Variants in PIK3C2G observed in about 807,000 individuals in gnomAD.
PIK3C2G encodes phosphatidylinositol-4-phosphate 3-kinase catalytic subunit type 2 gamma.
PIK3C2G carries 168 observed loss-of-function variants against 181.1 expected under a neutral mutation model. The ratio of observed to expected loss-of-function variants is 0.93; its 90% CI spans 0.82 to 1.05. The LOEUF is 1.05. PIK3C2G is among the 50% of genes least tolerant of loss of function. The probability of loss-of-function intolerance (pLI) is 0.00; values close to 1 mark genes in which losing one functional copy is unlikely to be tolerated. For synonymous variants in PIK3C2G, 573 were observed against 592.2 expected, an observed-to-expected ratio of 0.97 and a Z score of 0.47; for missense variants, 1,869 against 1,732.8, an observed-to-expected ratio of 1.08 and a Z score of -1.40.
the PIK3C2G span, among the ~76,000 whole-genome samples, chr12:18,688,973 GGGAA>G: frequency 6.6e-6 from 1 of 151,816 alleles, no homozygotes. Context: ...AAGGAAAAGA[GGGAA>G]GGAAGGAGGG....
At chr12:18,303,986 G>T (rs1950317619) in intron 5 of PIK3C2G, among the ~76,000 whole-genome samples, 1 of 151,250 alleles carries the variant, frequency 6.6e-6, no homozygotes, top group Non-Finnish European at 1.5e-5. Flanking sequence ...ATTTTACTTG[G>T]AAGTAGTTAT....
rs7306022 is a variant in PIK3C2G at position 18,530,982 on chromosome 12, A to C, written c.3324-7174A>C. Among the ~76,000 whole-genome samples, 1,122 of 152,306 alleles carry C rather than the reference A, an allele frequency of 7.4e-3. 13 individuals carry two copies. The highest frequency in any genetic ancestry group is 0.025 in the African/African-American group (1,060 of 41,570). ...AATACACCTTTGGGATACTAGACCT[A>C]AAAATACTTATTCATCATTTTATTT... On this transcript the variant is annotated intron_variant, in intron 24 of 32. Transcript: ENST00000538779.
At chr12:18,510,143 T>C (rs530279202) in intron 24 of PIK3C2G, among the ~76,000 whole-genome samples, 107 of 152,250 alleles carry the variant, frequency 7.0e-4, no homozygotes, top group African/African-American at 2.6e-3. Context: ...CTAACTTTTT[T>C]ATTGTTTTGT....
rs141860246 is a variant in PIK3C2G, at chr12:18,646,591, A to G, written c.4309-1285A>G. Among the ~76,000 whole-genome samples the G allele has an allele frequency of 4.3e-3, 649 of 152,276 alleles. 24 individuals are homozygous for G. The highest frequency in any genetic ancestry group is 0.035 in the Admixed American group (532 of 15,268). On this transcript the variant is annotated intron_variant, in intron 32 of 32. Transcript: ENST00000538779. ...TCCATGCTCACAGGGGAGGCCACCCAGTGAACTCAGAGGGCTGCCCTCTCA... is the reference window on the plus strand; with the variant it reads ...TCCATGCTCACAGGGGAGGCCACCCGGTGAACTCAGAGGGCTGCCCTCTCA...
chr12:18,449,688 T>C (rs1334469670), intron 18 of PIK3C2G, among the ~76,000 whole-genome samples: 5 of 152,208 alleles, frequency 3.3e-5, no homozygotes, highest in Non-Finnish European at 5.9e-5. Flanking sequence ...ACATTGTCTT[T>C]ATCCAGTCTA....
At chr12:18,606,869 C>A (rs1431789492) in intron 30 of PIK3C2G, among the ~76,000 whole-genome samples, 1 of 151,772 alleles carries the variant, frequency 6.6e-6, no homozygotes, top group Admixed American at 6.6e-5. Flanking sequence ...GGGAAGTAAA[C>A]AATAAATTTT....
chr12:18,590,548 G>A (rs1024546919), intron 29 of PIK3C2G, among the ~76,000 whole-genome samples: 1 of 151,846 alleles, frequency 6.6e-6, no homozygotes, highest in Non-Finnish European at 1.5e-5. Flanking sequence ...TGGCAACACT[G>A]CTTAGAGGTC....
intron 18 of PIK3C2G, among the ~76,000 whole-genome samples, chr12:18,481,852 A>G (rs1267472279): frequency 6.6e-6 from 1 of 152,054 alleles, no homozygotes; most frequent in Non-Finnish European, 1.5e-5. Context: ...TCGGCATCTT[A>G]GGGCTTTTCT....
the PIK3C2G span, among the ~76,000 whole-genome samples, chr12:18,669,384 G>A: frequency 6.6e-6 from 1 of 152,134 alleles, no homozygotes; most frequent in Non-Finnish European, 1.5e-5. Context: ...ATAATAAATT[G>A]GTGTGTGGTA....
chr12:18,717,603 A>G, the PIK3C2G span, among the ~76,000 whole-genome samples: 1 of 152,132 alleles, frequency 6.6e-6, no homozygotes, highest in Non-Finnish European at 1.5e-5. Flanking sequence ...TGATATCTCA[A>G]ACTTAGCATG....
rs1947767731 is a variant in PIK3C2G at position 18,602,281 on chromosome 12, A to G, written c.4088-7254A>G. Reference sequence around the variant, plus strand: ...AGCTTTCCCCCACTTCCCTGACAACATGCATGACTTAGTTGAGGCAGCCAT... The same window carrying G: ...AGCTTTCCCCCACTTCCCTGACAACGTGCATGACTTAGTTGAGGCAGCCAT... On this transcript the variant is annotated intron_variant, in intron 30 of 32. Coordinates refer to ENST00000538779, the MANE Select transcript of PIK3C2G (RefSeq NM_001288772.2). Among the ~76,000 whole-genome samples the G allele has an allele frequency of 2.0e-5, 3 of 151,908 alleles. No individual in the cohort carries two copies. In the South Asian group the frequency reaches 6.2e-4, roughly 32 times the overall value.
intron 16 of PIK3C2G, among the ~76,000 whole-genome samples, chr12:18,405,217 G>C (rs141954935): frequency 7.8e-4 from 119 of 152,300 alleles, no homozygotes; most frequent in African/African-American, 2.7e-3. Context: ...ATGCAGTTGT[G>C]TATACAGGTC....
the PIK3C2G span, among the ~76,000 whole-genome samples, chr12:18,678,861 AC>A: frequency 1.6e-4 from 25 of 152,124 alleles, no homozygotes; most frequent in African/African-American, 5.8e-4. Flanking sequence ...AATATCTAGG[AC>A]CAAAAAGCTT....
chr12:18,394,851 G>A (rs1592147261), intron 15 of PIK3C2G, among the ~76,000 whole-genome samples: 3 of 151,718 alleles, frequency 2.0e-5, no homozygotes, highest in Admixed American at 2.0e-4. Flanking sequence ...CACCAAAAAG[G>A]AGAAAGATAG....
At chr12:18,648,679 G>A (rs572052819), downstream of PIK3C2G, among the ~76,000 whole-genome samples, 1 of 151,994 alleles carries the variant, frequency 6.6e-6, no homozygotes, top group African/African-American at 2.4e-5. Context: ...ACTTGGTTAT[G>A]CCTGGACTCC....
At chr12:18,285,898 A>G (rs1949424019) in intron 2 of PIK3C2G, among the ~76,000 whole-genome samples, 1 of 152,134 alleles carries the variant, frequency 6.6e-6, no homozygotes, top group South Asian at 2.1e-4. Context: ...AAAGGCAGGA[A>G]TTGACAAATG....
At chr12:18,546,496 T>C (rs1386432620) in intron 26 of PIK3C2G, 64 bp downstream of exon 26, 7 of 879,334 alleles carry the variant, frequency 8.0e-6, no homozygotes, top group African/African-American at 1.7e-5. Flanking sequence ...TGTTCCACAG[T>C]GGAGATGATT....
chr12:18,566,334 T>G (rs1201003395), intron 28 of PIK3C2G, among the ~76,000 whole-genome samples: 1 of 152,182 alleles, frequency 6.6e-6, no homozygotes, highest in Non-Finnish European at 1.5e-5. Context: ...TAAAAGGGTA[T>G]ACGTAGACAG....
intron 31 of PIK3C2G, among the ~76,000 whole-genome samples, chr12:18,624,314 T>C (rs1438968344): frequency 1.3e-5 from 2 of 151,948 alleles, no homozygotes; most frequent in Non-Finnish European, 3.0e-5. Context: ...CTTCATTCAG[T>C]TAATGCAATG....
Sources: allele counts gnomAD v4.1 joint callset (sites outside exome capture counted in the v4.1 genomes callset), GRCh38; gene constraint gnomAD v4.1.1; transcripts MANE v1.5; gene names NCBI Gene and HGNC (gene_info 2026-07-23, HGNC 2026-07-21).